The following CCSER1 variants were observed in gnomAD, a reference collection of about 807,000 sequenced individuals.
CCSER1 encodes the protein coiled-coil serine rich protein 1.
CCSER1 carries 41 observed loss-of-function variants against 82.0 expected under a neutral mutation model. The observed-to-expected ratio is 0.50, with a 90% confidence interval of 0.39 to 0.65. CCSER1 has a LOEUF of 0.65. Ranked by LOEUF, CCSER1 falls within the 30% of genes least tolerant of loss-of-function variation. The probability of loss-of-function intolerance (pLI) is 0.00; values close to 1 mark genes in which losing one functional copy is unlikely to be tolerated. For synonymous variants in CCSER1, 414 were observed against 383.9 expected, an observed-to-expected ratio of 1.08 and a Z score of -0.92; for missense variants, 1,119 against 1,064.2, an observed-to-expected ratio of 1.05 and a Z score of -0.72.
At position 91,294,639 on chromosome 4, in the gene CCSER1, A is replaced by T. The variant is rs186733109; in HGVS notation, c.2217+208645A>T. On this transcript the variant is annotated intron_variant, in intron 10 of 10. Coordinates refer to ENST00000509176, the MANE Select transcript of CCSER1 (RefSeq NM_001145065.2). ...CTCTAGAGGCTGTCAGGGGTTCCTG[A>T]TGTTTCTTGGCTTGTGAACACTACT... Among the ~76,000 whole-genome samples, 731 of 151,756 alleles carry T rather than the reference A, an allele frequency of 4.8e-3. 5 individuals are homozygous for T. The highest frequency in any genetic ancestry group is 0.017 in the African/African-American group (704 of 41,434).
At chr4:91,341,248 C>T (rs1295790513) in intron 10 of CCSER1, among the ~76,000 whole-genome samples, 1 of 152,052 alleles carries the variant, frequency 6.6e-6, no homozygotes, top group Non-Finnish European at 1.5e-5. Flanking sequence ...TAATTGAAAG[C>T]TACAAAAGGG....
intron 10 of CCSER1, among the ~76,000 whole-genome samples, chr4:91,246,821 C>T (rs909252975): frequency 7.9e-5 from 10 of 126,590 alleles, no homozygotes; most frequent in Admixed American, 7.8e-4. Context: ...TACACACATA[C>T]ACACATACAC....
At chr4:90,274,246 G>A (rs1296651419) in intron 1 of CCSER1, among the ~76,000 whole-genome samples, 1 of 152,092 alleles carries the variant, frequency 6.6e-6, no homozygotes, top group African/African-American at 2.4e-5. Context: ...GGCACAAGAG[G>A]CATCTCTTTA....
chr4:90,750,709 C>A (rs1326109456), intron 7 of CCSER1, among the ~76,000 whole-genome samples: 1 of 152,060 alleles, frequency 6.6e-6, no homozygotes, highest in Admixed American at 6.6e-5. Context: ...CAAAACCAAG[C>A]TGAATACTGT....
intron 6 of CCSER1, among the ~76,000 whole-genome samples, chr4:90,667,072 G>A (rs115389395): frequency 0.016 from 2,415 of 152,246 alleles, 68 homozygotes; most frequent in African/African-American, 0.056. Context: ...AGTTAACACC[G>A]AATCGACTTC....
intron 4 of CCSER1, among the ~76,000 whole-genome samples, chr4:90,404,444 C>T (rs1405860281): frequency 1.3e-5 from 2 of 152,136 alleles, no homozygotes; most frequent in East Asian, 3.9e-4. Context: ...TTCCCACGGC[C>T]TGAGAAACCT....
At chr4:90,371,141 A>G (rs1156325507) in intron 3 of CCSER1, among the ~76,000 whole-genome samples, 1 of 149,650 alleles carries the variant, frequency 6.7e-6, no homozygotes, top group Admixed American at 6.7e-5. Context: ...ATATAGGTTT[A>G]TATGTTGTGT....
chr4:90,853,952 T>C (rs1483267919), intron 8 of CCSER1, among the ~76,000 whole-genome samples: 1 of 152,156 alleles, frequency 6.6e-6, no homozygotes, highest in African/African-American at 2.4e-5. Context: ...AACCCATTCA[T>C]CTATGATATA....
chr4:90,828,533 A>G (rs1279398334), intron 8 of CCSER1, among the ~76,000 whole-genome samples: 5 of 152,160 alleles, frequency 3.3e-5, no homozygotes, highest in Admixed American at 3.3e-4. Flanking sequence ...TGTTTTTAAA[A>G]ATTTAGTTTC....
At chr4:91,134,732 G>A (rs1165799299) in intron 10 of CCSER1, among the ~76,000 whole-genome samples, 1 of 152,132 alleles carries the variant, frequency 6.6e-6, no homozygotes, top group Non-Finnish European at 1.5e-5. Flanking sequence ...ATTAGACACT[G>A]AAAATTTGTT....
rs536456426 is a variant in CCSER1, at chr4:91,471,888, T to C, written c.2218-126684T>C. On this transcript the variant is annotated intron_variant, in intron 10 of 10. Coordinates refer to ENST00000509176, the MANE Select transcript of CCSER1 (RefSeq NM_001145065.2). ...ATGAGACTGAGGCAGGAGAATGGCG[T>C]GAACCCGGGAGGCAGAGCTTGCAGT... Among the ~76,000 whole-genome samples, 5 of 145,920 alleles carry C rather than the reference T, an allele frequency of 3.4e-5. No individual in the cohort carries two copies. In the South Asian group the frequency reaches 1.1e-3, roughly 31 times the overall value.
chr4:90,308,403 G>T lies in CCSER1; in HGVS notation c.119G>T (p.Gly40Val), dbSNP rs76979602. ...PSSPSSSNTV[G>V]VHSSSPSSTN... ...TCACCTTCTTCCAGTAATACAGTTG[G>T]TGTCCACAGTTCCTCTCCTTCCAGC... Residue 40 changes from glycine to valine, a missense_variant, in exon 2 of 11, where the codon GGT becomes GTT. By Grantham distance (109) the Gly-to-Val change is moderately radical. Coordinates refer to ENST00000509176, the MANE Select transcript of CCSER1 (RefSeq NM_001145065.2). The T allele has an allele frequency of 1.9e-6, 3 of 1,613,708 alleles. No individual in the cohort carries two copies. The highest frequency in any genetic ancestry group is 1.7e-6 in the Non-Finnish European group (2 of 1,179,824).
chr4:90,952,406 A>G (rs1439515184), intron 9 of CCSER1, among the ~76,000 whole-genome samples: 1 of 151,998 alleles, frequency 6.6e-6, no homozygotes, highest in Non-Finnish European at 1.5e-5. Context: ...CAGGTATGCT[A>G]CTTAATATCC....
At chr4:91,136,715 T>G (rs1460638532) in intron 10 of CCSER1, among the ~76,000 whole-genome samples, 1 of 152,186 alleles carries the variant, frequency 6.6e-6, no homozygotes, top group African/African-American at 2.4e-5. Flanking sequence ...CACTGATAAT[T>G]GATAAAGATA....
chr4:90,133,364 T>C (rs764856132), intron 1 of CCSER1, among the ~76,000 whole-genome samples: 6 of 152,298 alleles, frequency 3.9e-5, no homozygotes, highest in Middle Eastern at 3.4e-3. Flanking sequence ...CTGGACCTTA[T>C]TGGTAGGTAG....
intron 10 of CCSER1, among the ~76,000 whole-genome samples, chr4:91,313,901 T>A (rs1195801691): frequency 6.6e-6 from 1 of 151,986 alleles, no homozygotes. Flanking sequence ...AAATCTTTGC[T>A]GTGTTAAACT....
chr4:90,174,241 C>A (rs1732258571), intron 1 of CCSER1, among the ~76,000 whole-genome samples: 1 of 151,708 alleles, frequency 6.6e-6, no homozygotes, highest in African/African-American at 2.4e-5. Context: ...TCTGTATATA[C>A]CAGGAGTTTA....
chr4:90,571,487 T>C (rs1394205932), intron 5 of CCSER1, among the ~76,000 whole-genome samples: 1 of 152,104 alleles, frequency 6.6e-6, no homozygotes, highest in Admixed American at 6.6e-5. Flanking sequence ...AGAAGATTAA[T>C]GCAGAAACAG....
chr4:90,600,114 C>A (rs1213345752), intron 5 of CCSER1, among the ~76,000 whole-genome samples: 1 of 152,026 alleles, frequency 6.6e-6, no homozygotes, highest in Non-Finnish European at 1.5e-5. Context: ...CATTGACCTG[C>A]TAATGGATAT....
Sources: allele counts gnomAD v4.1 joint callset (sites outside exome capture counted in the v4.1 genomes callset), GRCh38; gene constraint gnomAD v4.1.1; transcripts MANE v1.5; gene names NCBI Gene and HGNC (gene_info 2026-07-23, HGNC 2026-07-21).